The following GRIA1 variants were observed in gnomAD, a reference collection of about 807,000 sequenced individuals.
The protein encoded by GRIA1 is glutamate receptor 1.
Under a neutral mutation model 99.2 loss-of-function variants are expected in GRIA1, and 31 were observed. That is an observed-to-expected ratio of 0.31 (90% CI 0.23 to 0.42). GRIA1 has a LOEUF of 0.42. GRIA1 is among the 10% of genes least tolerant of loss of function. The probability of loss-of-function intolerance (pLI) is 1.00; values close to 1 mark genes in which losing one functional copy is unlikely to be tolerated. For synonymous variants in GRIA1, 438 were observed against 432.4 expected, an observed-to-expected ratio of 1.01 and a Z score of -0.16; for missense variants, 782 against 1,157.5, an observed-to-expected ratio of 0.68 and a Z score of 4.71.
intron 2 of GRIA1, among the ~76,000 whole-genome samples, chr5:153,616,418 G>A (rs1022450168): frequency 1.3e-5 from 2 of 151,638 alleles, no homozygotes; most frequent in African/African-American, 4.8e-5. Context: ...CACTTTGGAA[G>A]AAGAATTGTC....
chr5:153,539,719 T>A (rs1758894888), intron 2 of GRIA1, among the ~76,000 whole-genome samples: 1 of 152,220 alleles, frequency 6.6e-6, no homozygotes, highest in Non-Finnish European at 1.5e-5. Flanking sequence ...CTAAGCTCCA[T>A]CCAAGATATT....
chr5:153,575,254 T>G (rs1217360994), intron 2 of GRIA1, among the ~76,000 whole-genome samples: 1 of 151,860 alleles, frequency 6.6e-6, no homozygotes, highest in East Asian at 1.9e-4. Flanking sequence ...TATACTTGGA[T>G]GAACTAAAGA....
chr5:153,729,861 A>G (rs541356375), intron 11 of GRIA1, among the ~76,000 whole-genome samples: 1 of 152,228 alleles, frequency 6.6e-6, no homozygotes, highest in South Asian at 2.1e-4. Context: ...TAGCAAAAAT[A>G]TGTGTTAGGC....
rs55981636 is a variant in GRIA1 at position 153,650,312 on chromosome 5, T to A, written c.461-18T>A. ...TCCTGACTGTCTGTCATTTCTCTTC[T>A]ACTCATCTGAACTTTAGGCTTATCC... On this transcript the variant is annotated intron_variant, in intron 3 of 15. Coordinates refer to ENST00000285900, the MANE Select transcript of GRIA1 (RefSeq NM_000827.4). The A allele has an allele frequency of 0.042, 67,161 of 1,608,124 alleles. 1,572 individuals are homozygous for A. The highest frequency in any genetic ancestry group is 0.071 in the Middle Eastern group (416 of 5,882).
At chr5:153,774,424 C>G (rs183553460) in intron 13 of GRIA1, among the ~76,000 whole-genome samples, 1 of 151,966 alleles carries the variant, frequency 6.6e-6, no homozygotes, top group South Asian at 2.1e-4. Flanking sequence ...GACTGTTTAA[C>G]TACTCACAAG....
At chr5:153,775,753 C>CA (rs34171571) in intron 13 of GRIA1, among the ~76,000 whole-genome samples, 39,426 of 118,350 alleles carry the variant, frequency 0.33, 5,847 homozygotes, top group Middle Eastern at 0.44. Flanking sequence ...CAGAAACACT[C>CA]AAAAAAAAAA....
At chr5:153,659,525 G>C (rs1755205361) in intron 5 of GRIA1, among the ~76,000 whole-genome samples, 1 of 152,154 alleles carries the variant, frequency 6.6e-6, no homozygotes, top group African/African-American at 2.4e-5. Context: ...CTGGCAGCCA[G>C]AGTCCTTCAG....
rs142569779 is a variant in GRIA1 at position 153,585,413 on chromosome 5, A to G, written c.221-61515A>G. On this transcript the variant is annotated intron_variant, in intron 2 of 15. Transcript: ENST00000285900. Reference sequence around the variant, plus strand: ...AACCTCCACCTCCCGGGTCCAAGCAATTTTCCTGTCTCACCCTCCCAAGTA... The same window carrying G: ...AACCTCCACCTCCCGGGTCCAAGCAGTTTTCCTGTCTCACCCTCCCAAGTA... Among the ~76,000 whole-genome samples the G allele has an allele frequency of 5.0e-3, 687 of 137,030 alleles. 6 individuals are homozygous for G. The highest frequency in any genetic ancestry group is 0.017 in the African/African-American group (634 of 36,638). 89.9% of individuals were successfully genotyped at this position (137,030 alleles called of 152,430 possible).
intron 2 of GRIA1, among the ~76,000 whole-genome samples, chr5:153,600,333 A>G (rs1164551031): frequency 7.4e-6 from 1 of 134,840 alleles, no homozygotes; most frequent in African/African-American, 2.8e-5. Flanking sequence ...CGGAGTTTGC[A>G]GTGAGCCGAG....
chr5:153,583,407 C>T (rs535874154), intron 2 of GRIA1, among the ~76,000 whole-genome samples: 182 of 152,230 alleles, frequency 1.2e-3, no homozygotes, highest in Non-Finnish European at 2.0e-3. Context: ...AAGTGAGAAT[C>T]CTTCCTTGAC....
At chr5:153,590,463 G>C (rs1369179981) in intron 2 of GRIA1, among the ~76,000 whole-genome samples, 3 of 151,646 alleles carry the variant, frequency 2.0e-5, no homozygotes, top group Admixed American at 2.0e-4. Flanking sequence ...TGTGAGTATT[G>C]TTGATGAACT....
intron 2 of GRIA1, among the ~76,000 whole-genome samples, chr5:153,506,375 A>G (rs1301051206): frequency 6.8e-6 from 1 of 146,744 alleles, no homozygotes; most frequent in African/African-American, 2.6e-5. Context: ...ACATATATTC[A>G]TTCTTTCACA....
intron 1 of GRIA1, chr5:153,491,176 C>T: frequency 2.8e-6 from 3 of 1,077,176 alleles, no homozygotes; most frequent in South Asian, 1.7e-5. Flanking sequence ...GAAGTGTTCA[C>T]ACACGCACAC....
chr5:153,795,804 G>T (rs1765607462), intron 14 of GRIA1, among the ~76,000 whole-genome samples: 1 of 151,942 alleles, frequency 6.6e-6, no homozygotes, highest in South Asian at 2.1e-4. Flanking sequence ...CCTTCAAAAG[G>T]CTCCATTATC....
At chr5:153,662,775 CT>C (rs1755462538) in intron 5 of GRIA1, among the ~76,000 whole-genome samples, 1 of 152,168 alleles carries the variant, frequency 6.6e-6, no homozygotes, top group Non-Finnish European at 1.5e-5. Context: ...TCCAAACTGC[CT>C]TTTCACAATG....
chr5:153,639,828 A>C (rs1753663033), intron 2 of GRIA1, among the ~76,000 whole-genome samples: 1 of 152,224 alleles, frequency 6.6e-6, no homozygotes, highest in African/African-American at 2.4e-5. Flanking sequence ...GGAGAGAAGA[A>C]ACAGAAAATT....
At chr5:153,749,539 A>G (rs1561828221) in intron 11 of GRIA1, among the ~76,000 whole-genome samples, 1 of 152,128 alleles carries the variant, frequency 6.6e-6, no homozygotes, top group Non-Finnish European at 1.5e-5. Flanking sequence ...AGAAAGAGAG[A>G]GGAAGATGCC....
At chr5:153,567,363 AT>A (rs992238320) in intron 2 of GRIA1, among the ~76,000 whole-genome samples, 15 of 152,210 alleles carry the variant, frequency 9.9e-5, no homozygotes, top group African/African-American at 3.6e-4. Context: ...GAAGTGGAAA[AT>A]TTTTATGAGG....
At chr5:153,644,238 T>C (rs1372090608) in intron 2 of GRIA1, among the ~76,000 whole-genome samples, 7 of 152,208 alleles carry the variant, frequency 4.6e-5, no homozygotes, top group Non-Finnish European at 8.8e-5. Context: ...TGGAAATCTT[T>C]ATTCTAGTTA....
Sources: allele counts gnomAD v4.1 joint callset (sites outside exome capture counted in the v4.1 genomes callset), GRCh38; gene constraint gnomAD v4.1.1; transcripts MANE v1.5; gene names NCBI Gene and HGNC (gene_info 2026-07-23, HGNC 2026-07-21).